Variants in NT5DC1 observed in about 807,000 individuals in gnomAD.
NT5DC1 encodes the protein 5'-nucleotidase domain-containing protein 1.
In NT5DC1, 42 loss-of-function variants were observed where a neutral mutation model predicts 59.4. The observed-to-expected ratio is 0.71, with a 90% CI of 0.55 to 0.92. The LOEUF (loss-of-function observed/expected upper bound fraction) is 0.92, where lower values mean the gene tolerates loss of function less well. Ranked by LOEUF, NT5DC1 falls within the 40% of genes least tolerant of loss-of-function variation. NT5DC1 has a pLI of 0.00. For missense variants in NT5DC1, 501 were observed against 537.1 expected (o/e 0.93, Z 0.66); for synonymous variants, 172 against 188.1 (o/e 0.91, Z 0.70).
intron 6 of NT5DC1, among the ~76,000 whole-genome samples, chr6:116,186,327 T>C (rs1780997880): frequency 6.6e-6 from 1 of 151,820 alleles, no homozygotes; most frequent in African/African-American, 2.4e-5. Context: ...ATCTTCACTT[T>C]AGATAACCTG....
intron 6 of NT5DC1, among the ~76,000 whole-genome samples, chr6:116,193,344 A>C (rs2114495917): frequency 6.6e-6 from 1 of 152,210 alleles, no homozygotes; most frequent in Middle Eastern, 3.4e-3. Context: ...TTTTACTTTT[A>C]AACAAAAGGC....
Position 116,106,419 on chromosome 6 carries a change from C to T in NT5DC1, c.185+84C>T, listed in dbSNP as rs1778770188. ...TACTGATAAAACTGTAATGCTTTCT[C>T]TTCTAAGAAGATGGAATGTGAAATG... On this transcript the variant is annotated intron_variant, in intron 2 of 11. Transcript: ENST00000319550. The T allele has an allele frequency of 4.4e-6, 3 of 676,458 alleles. No homozygotes were observed. The Admixed American group carries it at 8.4e-5, about 19-fold the overall frequency. The allele number at this position is 676,458 out of a possible 1,614,324, so 41.9% of individuals were successfully genotyped here.
intron 5 of NT5DC1, among the ~76,000 whole-genome samples, chr6:116,117,551 C>T (rs1264876540): frequency 6.6e-6 from 1 of 152,128 alleles, no homozygotes; most frequent in Non-Finnish European, 1.5e-5. Flanking sequence ...CTTAAACATA[C>T]TCAGAACACT....
At chr6:116,180,576 G>A (rs1205039964) in intron 6 of NT5DC1, among the ~76,000 whole-genome samples, 1 of 152,050 alleles carries the variant, frequency 6.6e-6, no homozygotes, top group Admixed American at 6.6e-5. Context: ...CAGCCATTTT[G>A]TGCCTCATGA....
Position 116,160,921 on chromosome 6 carries a change from G to A in NT5DC1, c.529+42976G>A, listed in dbSNP as rs536051799. 3.3e-5 allele frequency among the ~76,000 whole-genome samples: 5 copies of A among 152,022 alleles called. No individual in the cohort carries two copies. In the South Asian group the frequency reaches 1.0e-3, roughly 32 times the overall value. On this transcript the variant is annotated intron_variant, in intron 6 of 11. Transcript: ENST00000319550. ...GTTTATTGCGGTATTATTCACAATA[G>A]CAAAGACTTGGAACCAACCCAGATG...
chr6:116,137,595 A>C, intron 6 of NT5DC1: 1 of 214,448 alleles, frequency 4.7e-6, no homozygotes, highest in East Asian at 1.1e-4. Flanking sequence ...GGGTTGGAAC[A>C]CTGGATCCCC....
chr6:116,156,456 C>T lies in NT5DC1; in HGVS notation c.529+38511C>T, dbSNP rs1780195680. Among the ~76,000 whole-genome samples the T allele has an allele frequency of 2.6e-5, 4 of 152,024 alleles. No individual in the cohort carries two copies. The South Asian group carries it at 8.3e-4, about 32-fold the overall frequency. On this transcript the variant is annotated intron_variant, in intron 6 of 11. Transcript: ENST00000319550. ...CTTTCACTTAGCTTATTATAGTCTGCCTCATAAGGGATTACTATGCTGTGT... is the reference window on the plus strand; with the variant it reads ...CTTTCACTTAGCTTATTATAGTCTGTCTCATAAGGGATTACTATGCTGTGT...
chr6:116,236,938 GTA>G (rs1562176932), intron 8 of NT5DC1, 26 bp from the exon 9 acceptor site: 4 of 1,410,522 alleles, frequency 2.8e-6, no homozygotes, highest in Non-Finnish European at 4.0e-6. Context: ...TGATTAAAAA[GTA>G]TATGATTGTC....
At chr6:116,241,944 C>CAAA (rs1173659223) in intron 11 of NT5DC1, among the ~76,000 whole-genome samples, 1 of 34,416 alleles carries the variant, frequency 2.9e-5, no homozygotes, top group Non-Finnish European at 4.4e-5. Flanking sequence ...AAAAACAAAA[C>CAAA]AAAAAAAAAA....
intron 6 of NT5DC1, among the ~76,000 whole-genome samples, chr6:116,131,014 T>C (rs1380085793): frequency 6.6e-6 from 1 of 152,206 alleles, no homozygotes; most frequent in East Asian, 1.9e-4. Context: ...ACTGTTAGGT[T>C]TGTTTCATTT....
chr6:116,108,380 T>C lies in NT5DC1; in HGVS notation c.202T>C (p.Leu68=). 3.1e-6 allele frequency: 5 copies of C among 1,605,848 alleles called. No homozygotes were observed. The highest frequency in any genetic ancestry group is 3.4e-6 in the Non-Finnish European group (4 of 1,172,652). Residue 68 remains leucine, a synonymous_variant, in exon 3 of 12, where the codon TTG becomes CTG. Transcript: ENST00000319550. The part of the protein sequence containing the change: ...DWDFCCKGLA[L]DLEDGNFLKL... ...CTATTTCAGTTGCAAAGGTTTGGCA[T>C]TGGATCTAGAAGATGGGAACTTCCT... is the stretch of plus-strand genomic sequence containing the variant.
intron 6 of NT5DC1, among the ~76,000 whole-genome samples, chr6:116,139,075 AG>A: frequency 6.6e-6 from 1 of 152,308 alleles, no homozygotes; most frequent in South Asian, 2.1e-4. Context: ...CTACAAAAAA[AG>A]ATGTATTCTT....
rs1771835677 is a variant in NT5DC1 at position 116,245,782 on chromosome 6, T to C, written c.*1758T>C. On this transcript the variant is annotated 3_prime_UTR_variant, in exon 12 of 12. Transcript: ENST00000319550. ...AAAATGAGAAGTCCAAAATAAGAAATAACTGCACTTTTTGGGCCACTTGAG... is the reference window on the plus strand; with the variant it reads ...AAAATGAGAAGTCCAAAATAAGAAACAACTGCACTTTTTGGGCCACTTGAG... The C allele has an allele frequency of 6.9e-6, 1 of 144,256 alleles. No individual in the cohort carries two copies. The highest frequency in any genetic ancestry group is 2.4e-5 in the African/African-American group (1 of 40,840). The allele number at this position is 144,256 out of a possible 1,614,324, so 8.9% of individuals were successfully genotyped here.
At chr6:116,121,221 C>G (rs1312818651) in intron 6 of NT5DC1, 10 of 1,613,542 alleles carry the variant, frequency 6.2e-6, no homozygotes, top group African/African-American at 1.3e-5. Flanking sequence ...CCTGGTTTCC[C>G]AAAGCCAGGA....
At chr6:116,147,687 A>G (rs1779933168) in intron 6 of NT5DC1, among the ~76,000 whole-genome samples, 1 of 152,214 alleles carries the variant, frequency 6.6e-6, no homozygotes, top group Non-Finnish European at 1.5e-5. Context: ...GACTTTATAT[A>G]AACTTTAAAA....
rs1779108606 is a variant in NT5DC1 at position 116,121,135 on chromosome 6, T to A, written c.529+3190T>A. The A allele has an allele frequency of 2.5e-6, 4 of 1,613,436 alleles. No individual in the cohort carries two copies. The South Asian group carries it at 4.4e-5, about 18-fold the overall frequency. ...GACCTGGCTTCCCAGGAAGACCTGC[T>A]GGCCCTTGTTCCCCTTTGGCACCTG... is the stretch of plus-strand genomic sequence containing the variant. On this transcript the variant is annotated intron_variant, in intron 6 of 11. Transcript: ENST00000319550.
At chr6:116,142,493 A>C (rs987579124) in intron 6 of NT5DC1, among the ~76,000 whole-genome samples, 2 of 152,200 alleles carry the variant, frequency 1.3e-5, no homozygotes, top group African/African-American at 4.8e-5. Flanking sequence ...ATGAATTTAT[A>C]AACTTACTTC....
At chr6:116,214,752 A>C (rs1781656978) in intron 6 of NT5DC1, among the ~76,000 whole-genome samples, 1 of 152,144 alleles carries the variant, frequency 6.6e-6, no homozygotes, top group Non-Finnish European at 1.5e-5. Flanking sequence ...ACACTGTGGA[A>C]ATGGGTGTTC....
rs147612968 is a variant in NT5DC1 at position 116,125,450 on chromosome 6, A to C, written c.529+7505A>C. Reference sequence around the variant, plus strand: ...TCAGCGTAAAACACTCCATGAACCAAGTTCAAGGATACTAGCAGCAAAAAG... The same window carrying C: ...TCAGCGTAAAACACTCCATGAACCACGTTCAAGGATACTAGCAGCAAAAAG... On this transcript the variant is annotated intron_variant, in intron 6 of 11. Coordinates refer to ENST00000319550, the MANE Select transcript of NT5DC1 (RefSeq NM_152729.3). 1.8e-4 allele frequency: 284 copies of C among 1,613,920 alleles called. No homozygotes were observed. The African/African-American group carries it at 3.2e-3, about 18-fold the overall frequency.
Sources: gnomAD v4.1 joint callset for allele counts (sites outside exome capture counted in the v4.1 genomes callset) on GRCh38, gnomAD v4.1.1 for gene constraint, MANE v1.5 for transcripts, NCBI Gene and HGNC (gene_info 2026-07-23, HGNC 2026-07-21) for gene names.